PAPPA: variants seen among roughly 807,000 people sequenced by gnomAD.
The protein encoded by PAPPA is pappalysin 1.
In PAPPA, 60 loss-of-function variants were observed where a neutral mutation model predicts 164.0. The observed-to-expected ratio is 0.37, with a 90% CI of 0.30 to 0.45. The LOEUF (loss-of-function observed/expected upper bound fraction) is 0.45. PAPPA is among the 20% of genes least tolerant of loss of function. The pLI is 1.00. For missense variants in PAPPA, 1,782 were observed against 2,087.3 expected (o/e 0.85, Z 2.85); for synonymous variants, 875 against 814.1 (o/e 1.07, Z -1.27).
At position 116,174,146 on chromosome 9, in the gene PAPPA, C is replaced by CA. The variant is rs1017453040; in HGVS notation, c.416-13005dup. On this transcript the variant is annotated intron_variant, in intron 1 of 21. Coordinates refer to ENST00000328252, the MANE Select transcript of PAPPA (RefSeq NM_002581.5). ...GTGAGAGTTACCTGAGTTATCTATG[C>CA]AAAGAGTTTCGCACAATACCTGGCA... Among the ~76,000 whole-genome samples the CA allele has an allele frequency of 1.1e-4, 17 of 152,230 alleles. 1 individual carries two copies. Among genetic ancestry groups the CA allele is most frequent in the African/African-American group, 4.1e-4 (17 of 41,546 alleles).
At chr9:116,285,171 C>CTTTTTTTTTTTTTTTTTTTTTTTTTTTTT in intron 9 of PAPPA, among the ~76,000 whole-genome samples, 32 of 89,480 alleles carry the variant, frequency 3.6e-4, no homozygotes, top group East Asian at 7.1e-4. Flanking sequence ...TTCTTTCTTT[C>CTTTTTTTTTTTTTTTTTTTTTTTTTTTTT]TTTTTTTTTT....
chr9:116,384,422 T>C (rs1846777130), intron 21 of PAPPA, among the ~76,000 whole-genome samples: 2 of 151,948 alleles, frequency 1.3e-5, no homozygotes, highest in Non-Finnish European at 2.9e-5. Context: ...ACCACTGTAC[T>C]CCAGCCTAGG....
At chr9:116,382,334 G>A (rs1846743216) in intron 20 of PAPPA, 61 bp from the exon 21 acceptor site, 3 of 1,021,582 alleles carry the variant, frequency 2.9e-6, no homozygotes, top group Middle Eastern at 2.1e-4. Flanking sequence ...GCAGACGTCA[G>A]CTCCCACTCA....
At chr9:116,293,951 A>AAAAT (rs551814257) in intron 9 of PAPPA, among the ~76,000 whole-genome samples, 1,814 of 152,246 alleles carry the variant, frequency 0.012, 25 homozygotes, top group African/African-American at 0.038. Context: ...ACTCTGTCTC[A>AAAAT]AAATAAATAA....
At position 116,396,974 on chromosome 9, in the gene PAPPA, C is replaced by G. The variant is rs764447534; in HGVS notation, c.*358C>G. ...TTAGTACACATGCATGCATACACAC[C>G]CATACAAACATCTGTGTGAGGGCAG... On this transcript the variant is annotated 3_prime_UTR_variant, in exon 22 of 22. Coordinates refer to ENST00000328252, the MANE Select transcript of PAPPA (RefSeq NM_002581.5). The G allele has an allele frequency of 3.3e-5, 7 of 214,508 alleles. No individual in the cohort carries two copies. Among genetic ancestry groups the G allele is most frequent in the Non-Finnish European group, 5.5e-5 (6 of 108,368 alleles). The allele number at this position is 214,508 out of a possible 1,614,324, so 13.3% of individuals were successfully genotyped here.
chr9:116,317,078 A>G (rs1461638682), intron 10 of PAPPA, among the ~76,000 whole-genome samples: 1 of 152,176 alleles, frequency 6.6e-6, no homozygotes, highest in Non-Finnish European at 1.5e-5. Context: ...CTTAATTTGG[A>G]AAGCTGAATA....
chr9:116,289,139 T>C (rs1324895393), intron 9 of PAPPA, among the ~76,000 whole-genome samples: 2 of 41,588 alleles, frequency 4.8e-5, no homozygotes, highest in African/African-American at 8.6e-5. Context: ...TATATATATA[T>C]ATATATATAT....
chr9:116,272,232 G>A (rs1271957612), intron 9 of PAPPA, among the ~76,000 whole-genome samples: 1 of 152,150 alleles, frequency 6.6e-6, no homozygotes, highest in Non-Finnish European at 1.5e-5. Flanking sequence ...GATGCAAATC[G>A]ATACCTGAAG....
chr9:116,244,061 C>T (rs980841788), intron 7 of PAPPA, among the ~76,000 whole-genome samples: 2 of 152,086 alleles, frequency 1.3e-5, no homozygotes, highest in Admixed American at 6.6e-5. Flanking sequence ...CTATGACTCC[C>T]TCTCATCAGT....
chr9:116,394,489 A>G lies in PAPPA; in HGVS notation c.4777-2020A>G, dbSNP rs183074518. On this transcript the variant is annotated intron_variant, in intron 21 of 21. Transcript: ENST00000328252. ...CAACCCAAACCTTTTGGCTTTCATG[A>G]TAGTACTTTCCACACTCTACCCCAG... Among the ~76,000 whole-genome samples the G allele has an allele frequency of 1.4e-3, 218 of 152,306 alleles. 2 individuals are homozygous for G. The highest frequency in any genetic ancestry group is 0.011 in the South Asian group (54 of 4,822).
rs568617620 is a variant in PAPPA at position 116,379,920 on chromosome 9, C to T, written c.4677+2273C>T. On this transcript the variant is annotated intron_variant, in intron 20 of 21. Coordinates refer to ENST00000328252, the MANE Select transcript of PAPPA (RefSeq NM_002581.5). ...CAGAGACAGGAGAAATCTCTAAGTA[C>T]CAGAGCTTTTCTCATATTGTTCCCT... is the stretch of plus-strand genomic sequence containing the variant. Among the ~76,000 whole-genome samples the T allele has an allele frequency of 2.0e-5, 3 of 152,238 alleles. 1 individual carries two copies. The South Asian group carries it at 6.2e-4, about 32-fold the overall frequency.
intron 21 of PAPPA, among the ~76,000 whole-genome samples, chr9:116,383,986 CT>C (rs1846768883): frequency 6.6e-6 from 1 of 151,972 alleles, no homozygotes; most frequent in Non-Finnish European, 1.5e-5. Context: ...AAAACCACTG[CT>C]TTTTATTTTG....
intron 10 of PAPPA, among the ~76,000 whole-genome samples, chr9:116,320,774 G>A (rs1845845177): frequency 3.3e-5 from 5 of 152,082 alleles, no homozygotes; most frequent in Admixed American, 3.3e-4. Context: ...CCTGTGTGTT[G>A]TGTTGTGTTG....
intron 5 of PAPPA, among the ~76,000 whole-genome samples, chr9:116,222,963 A>G (rs1844463479): frequency 6.6e-6 from 1 of 152,234 alleles, no homozygotes; most frequent in Non-Finnish European, 1.5e-5. Flanking sequence ...ATATATACAC[A>G]ATCATTATAT....
At chr9:116,373,701 G>T (rs1220194734) in intron 19 of PAPPA, 2 of 151,996 alleles carry the variant, frequency 1.3e-5, no homozygotes, top group East Asian at 3.9e-4. Flanking sequence ...CTTCCCATCG[G>T]TCAAAAAAGT....
In PAPPA at chr9:116,347,875, G is replaced by A. The variant is rs1846232325; in HGVS notation, c.3964+666G>A. Among the ~76,000 whole-genome samples, 1 of 152,164 alleles carries A rather than the reference G, an allele frequency of 6.6e-6. No homozygotes were observed. The highest frequency in any genetic ancestry group is 2.4e-5 in the African/African-American group (1 of 41,454). On this transcript the variant is annotated intron_variant, in intron 15 of 21. Coordinates refer to ENST00000328252, the MANE Select transcript of PAPPA (RefSeq NM_002581.5). The surrounding 1 kb of genome is among the most constrained non-coding windows in gnomAD (Gnocchi z 4.5). Reference sequence around the variant, plus strand: ...TAGAAAAAAGTGAGTAGCTGGCCTGGGTGTCCTAGAATGCTGGGACTAGAT... The same window carrying A: ...TAGAAAAAAGTGAGTAGCTGGCCTGAGTGTCCTAGAATGCTGGGACTAGAT...
chr9:116,293,769 A>G (rs1027496936), intron 9 of PAPPA, among the ~76,000 whole-genome samples: 2 of 152,204 alleles, frequency 1.3e-5, no homozygotes, highest in African/African-American at 4.8e-5. Flanking sequence ...AGCCTGACCA[A>G]TGTGGAGAAA....
intron 1 of PAPPA, among the ~76,000 whole-genome samples, chr9:116,185,420 G>A (rs914259153): frequency 3.3e-5 from 5 of 152,186 alleles, no homozygotes; most frequent in Non-Finnish European, 5.9e-5. Context: ...GCCCACAGAG[G>A]AGTGAAGACT....
chr9:116,186,708 C>T (rs1420077421), intron 1 of PAPPA, among the ~76,000 whole-genome samples: 2 of 152,156 alleles, frequency 1.3e-5, no homozygotes, highest in African/African-American at 4.8e-5. Flanking sequence ...TCTCCTTTCA[C>T]CTCGTATACT....
Sources: gnomAD v4.1 joint callset for allele counts (sites outside exome capture counted in the v4.1 genomes callset) on GRCh38, gnomAD v4.1.1 for gene constraint, Gnocchi (gnomAD v3.1) non-coding constraint, MANE v1.5 for transcripts, NCBI Gene and HGNC (gene_info 2026-07-23, HGNC 2026-07-21) for gene names.